The following PCSK6 variants were observed in gnomAD, a reference collection of about 807,000 sequenced individuals.
PCSK6 encodes paired basic amino acid cleaving enzyme 4.
In PCSK6, 85 loss-of-function variants were observed where a neutral mutation model predicts 123.3. The ratio of observed to expected loss-of-function variants is 0.69; its 90% CI spans 0.58 to 0.83. The LOEUF (loss-of-function observed/expected upper bound fraction) is 0.83. Among genes scored for constraint, PCSK6 ranks in the 40% least tolerant of loss-of-function variants. The probability of loss-of-function intolerance (pLI) is 0.00; values close to 1 mark genes in which losing one functional copy is unlikely to be tolerated. For synonymous variants in PCSK6, 508 were observed against 516.0 expected (o/e 0.98, Z 0.21); for missense variants, 1,191 against 1,282.3 (o/e 0.93, Z 1.09).
intron 6 of PCSK6, among the ~76,000 whole-genome samples, chr15:101,418,027 G>A (rs1045352823): frequency 6.6e-6 from 1 of 151,992 alleles, no homozygotes; most frequent in African/African-American, 2.4e-5. Context: ...AATAAGATTA[G>A]AAACAATTAT....
At chr15:101,457,464 CA>C (rs1269936415) in intron 1 of PCSK6, among the ~76,000 whole-genome samples, 35 of 152,354 alleles carry the variant, frequency 2.3e-4, no homozygotes, top group Admixed American at 1.7e-3. Context: ...TCCCAGGGCG[CA>C]GGCTGGTCAG....
At chr15:101,481,756 G>A (rs779010269) in intron 1 of PCSK6, among the ~76,000 whole-genome samples, 2 of 152,214 alleles carry the variant, frequency 1.3e-5, no homozygotes, top group African/African-American at 2.4e-5. Flanking sequence ...GGACCCACAC[G>A]AGGAGGAGGT....
At chr15:101,421,164 G>A (rs376857107) in intron 6 of PCSK6, among the ~76,000 whole-genome samples, 1 of 152,104 alleles carries the variant, frequency 6.6e-6, no homozygotes, top group South Asian at 2.1e-4. Context: ...CAGGCTGTTC[G>A]GGAACTCCTG....
At chr15:101,410,857 G>A (rs1057179623) in intron 6 of PCSK6, among the ~76,000 whole-genome samples, 1 of 152,168 alleles carries the variant, frequency 6.6e-6, no homozygotes, top group African/African-American at 2.4e-5. Flanking sequence ...GGTGGGAAAC[G>A]GCCATGATCA....
At chr15:101,344,826 T>C (rs1183927125) in intron 13 of PCSK6, among the ~76,000 whole-genome samples, 1 of 152,060 alleles carries the variant, frequency 6.6e-6, no homozygotes, top group East Asian at 1.9e-4. Flanking sequence ...CGGCTAATTT[T>C]TGTATTTTTA....
At chr15:101,306,350 A>AC (rs2039722665) in intron 21 of PCSK6, among the ~76,000 whole-genome samples, 1 of 147,584 alleles carries the variant, frequency 6.8e-6, no homozygotes, top group African/African-American at 2.5e-5. Flanking sequence ...CCCTCCCGCC[A>AC]CCCCCCAAAA....
At chr15:101,399,834 G>A (rs542569702) in intron 6 of PCSK6, among the ~76,000 whole-genome samples, 2 of 152,160 alleles carry the variant, frequency 1.3e-5, no homozygotes, top group East Asian at 1.9e-4. Context: ...AGAGGCCCCC[G>A]GGAGCCCCTC....
chr15:101,414,075 A>C (rs954107430), intron 6 of PCSK6, among the ~76,000 whole-genome samples: 1 of 152,216 alleles, frequency 6.6e-6, no homozygotes, highest in Non-Finnish European at 1.5e-5. Flanking sequence ...TCAGAGCAAA[A>C]AAATTCACCT....
At chr15:101,335,821 G>A (rs73493330) in intron 13 of PCSK6, among the ~76,000 whole-genome samples, 1,698 of 152,328 alleles carry the variant, frequency 0.011, 33 homozygotes, top group African/African-American at 0.039. Context: ...ACCATAGAGT[G>A]TGCTTACACA....
chr15:101,314,903 A>G (rs932822992), intron 19 of PCSK6, among the ~76,000 whole-genome samples: 28 of 152,152 alleles, frequency 1.8e-4, no homozygotes, highest in African/African-American at 6.5e-4. Context: ...GCTTTGGCCA[A>G]TGCCGCCCCT....
intron 6 of PCSK6, among the ~76,000 whole-genome samples, chr15:101,427,531 G>A (rs919202380): frequency 6.6e-6 from 1 of 152,192 alleles, no homozygotes; most frequent in Non-Finnish European, 1.5e-5. Flanking sequence ...CCGGGTAAAA[G>A]CTGTCACTCT....
At chr15:101,419,784 T>C (rs1425893994) in intron 6 of PCSK6, among the ~76,000 whole-genome samples, 5 of 152,046 alleles carry the variant, frequency 3.3e-5, no homozygotes, top group African/African-American at 1.2e-4. Flanking sequence ...AGTGTCCATA[T>C]GGGGATCTAG....
intron 6 of PCSK6, among the ~76,000 whole-genome samples, chr15:101,426,392 C>T (rs560323111): frequency 9.8e-5 from 15 of 152,286 alleles, no homozygotes; most frequent in African/African-American, 3.1e-4. Context: ...CAGGTTGGCC[C>T]GATTCTACAG....
In PCSK6 at chr15:101,358,430, C is replaced by T. The variant is rs550051884; in HGVS notation, c.1858+7766G>A. Among the ~76,000 whole-genome samples, 258 of 152,358 alleles carry T rather than the reference C, an allele frequency of 1.7e-3. 1 individual carries two copies. Among genetic ancestry groups the T allele is most frequent in the African/African-American group, 4.9e-3 (205 of 41,582 alleles). On this transcript the variant is annotated intron_variant, in intron 13 of 21. Coordinates refer to ENST00000611716, the MANE Select transcript of PCSK6 (RefSeq NM_002570.5). ...TTTGCTCCACTGAACTTGGGGCACT[C>T]CTCTGGGTCACTGGTGGCCCTTGGG...
intron 6 of PCSK6, among the ~76,000 whole-genome samples, chr15:101,417,285 T>C (rs4965854): frequency 0.57 from 86,313 of 152,030 alleles, 25,650 homozygotes; most frequent in African/African-American, 0.75. Flanking sequence ...TCAATTAAAT[T>C]TCTTTTTGTT....
chr15:101,424,879 G>C (rs977644668), intron 6 of PCSK6, among the ~76,000 whole-genome samples: 1 of 152,234 alleles, frequency 6.6e-6, no homozygotes, highest in Non-Finnish European at 1.5e-5. Flanking sequence ...ATTGAATATG[G>C]TTGAGCACAT....
At chr15:101,335,339 A>G (rs982649692) in intron 13 of PCSK6, among the ~76,000 whole-genome samples, 1 of 152,212 alleles carries the variant, frequency 6.6e-6, no homozygotes, top group African/African-American at 2.4e-5. Context: ...TTTAATGTTT[A>G]AAATCTATGA....
intron 6 of PCSK6, among the ~76,000 whole-genome samples, chr15:101,423,869 C>G (rs2056165351): frequency 6.6e-6 from 1 of 152,078 alleles, no homozygotes; most frequent in South Asian, 2.1e-4. Context: ...AAGAAAACTA[C>G]ATAAAAGAAT....
intron 13 of PCSK6, among the ~76,000 whole-genome samples, chr15:101,351,569 C>T (rs1007591762): frequency 1.3e-5 from 2 of 152,210 alleles, no homozygotes; most frequent in Non-Finnish European, 2.9e-5. Context: ...TGAGAATCAA[C>T]TGGCTAAATG....
Sources: gnomAD v4.1 joint callset for allele counts (sites outside exome capture counted in the v4.1 genomes callset) on GRCh38, gnomAD v4.1.1 for gene constraint, MANE v1.5 for transcripts, NCBI Gene and HGNC (gene_info 2026-07-23, HGNC 2026-07-21) for gene names.